Variants in PTGDS observed in about 807,000 individuals in gnomAD.
PTGDS encodes prostaglandin D2 synthase.
In PTGDS, 21 loss-of-function variants were observed where a neutral mutation model predicts 28.4. The ratio of observed to expected loss-of-function variants is 0.74; its 90% CI spans 0.52 to 1.07. The LOEUF is 1.07. Among genes scored for constraint, PTGDS ranks in the 50% least tolerant of loss-of-function variants. PTGDS has a pLI of 0.00. For synonymous variants in PTGDS, 102 were observed against 106.0 expected, an observed-to-expected ratio of 0.96 and a Z score of 0.23; for missense variants, 243 against 247.7, an observed-to-expected ratio of 0.98 and a Z score of 0.13.
At chr9:136,979,813 GC>G in intron 3 of PTGDS, 132 bp from the exon 4 acceptor site, 1 of 853,358 alleles carries the variant, frequency 1.2e-6, no homozygotes. Context: ...CTGGAGAGCA[GC>G]CGGGTGGGGG....
intron 3 of PTGDS, 140 bp downstream of exon 3, chr9:136,979,439 G>GGACA: frequency 6.4e-7 from 1 of 1,552,660 alleles, no homozygotes; most frequent in East Asian, 2.4e-5. Context: ...GCAAAGGCCA[G>GGACA]GCCTGGGCGT....
chr9:136,980,091 G>A (rs367824810), intron 4 of PTGDS, 29 bp downstream of exon 4: 18 of 1,606,062 alleles, frequency 1.1e-5, no homozygotes, highest in Non-Finnish European at 1.5e-5. Flanking sequence ...CCGCCCACAC[G>A]CAGGCCTGAC....
intron 6 of PTGDS, 132 bp downstream of exon 6, chr9:136,980,987 T>C (rs1830441842): frequency 1.5e-6 from 2 of 1,325,278 alleles, no homozygotes; most frequent in Admixed American, 4.8e-5. Flanking sequence ...TCCTTCCCGA[T>C]GGCTGCAGTC....
In PTGDS at chr9:136,977,603, A is replaced by G. The variant is rs772692994; in HGVS notation, c.25A>G (p.Met9Val). ...AATGGCTACTCATCACACACTGTGG[A>G]TGGGACTGGCCCTGCTGGGGGTGCT... Reference protein sequence around the residue: MATHHTLWMGLALLGVLGD... With the variant: MATHHTLWVGLALLGVLGD... The change falls in exon 1 of 7, where the codon ATG becomes GTG. Residue 9 changes from methionine to valine, a missense_variant. Physicochemically the swap from Met to Val is conservative, Grantham distance 21. Transcript: ENST00000371625. The G allele has an allele frequency of 1.2e-5, 19 of 1,607,514 alleles. No homozygotes were observed. In the South Asian group the frequency reaches 2.1e-4, roughly 18 times the overall value.
At chr9:136,979,856 C>T in intron 3 of PTGDS, 90 bp from the exon 4 acceptor site, 2 of 1,257,900 alleles carry the variant, frequency 1.6e-6, no homozygotes, top group South Asian at 1.2e-5. Flanking sequence ...GGCTGAGTGC[C>T]CCCAAAGCCC....
At chr9:136,980,622 T>G in intron 5 of PTGDS, 1 of 1,520,206 alleles carries the variant, frequency 6.6e-7, no homozygotes, top group Middle Eastern at 1.8e-4. Flanking sequence ...CACAGCCTCC[T>G]AGGGGTGGAC....
intron 1 of PTGDS, 108 bp downstream of exon 1, chr9:136,977,800 G>A: frequency 9.7e-7 from 1 of 1,032,692 alleles, no homozygotes; most frequent in Non-Finnish European, 1.4e-6. Flanking sequence ...GTCCCGCAGT[G>A]CCGGGCAGTG....
intron 2 of PTGDS, 37 bp downstream of exon 2, chr9:136,979,169 G>T (rs1163965061): frequency 6.2e-7 from 1 of 1,613,046 alleles, no homozygotes; most frequent in Non-Finnish European, 8.5e-7. Context: ...GGGACGGAGA[G>T]GTCCAGGGAC....
rs1019255601 is a variant in PTGDS, at chr9:136,980,061, C to T, written c.447C>T (p.Tyr149=). The T allele has an allele frequency of 3.1e-6, 5 of 1,611,134 alleles. No individual in the cohort carries two copies. The highest frequency in any genetic ancestry group is 4.2e-6 in the Non-Finnish European group (5 of 1,178,956). The change falls in exon 4 of 7, where the codon TAC becomes TAT. Residue 149 remains tyrosine, a splice_region_variant and synonymous_variant. Transcript: ENST00000371625. ...AGGACTTCCGCATGGCCACCCTCTA[C>T]AGTACGTGCCCCGTGGACGCCGCCC... ...PGEDFRMATL[Y]SRTQTPRAEL...
At chr9:136,978,351 C>T (rs1015561042) in intron 1 of PTGDS, among the ~76,000 whole-genome samples, 2 of 150,912 alleles carry the variant, frequency 1.3e-5, no homozygotes, top group African/African-American at 4.9e-5. Context: ...GGCTGGTGGG[C>T]GGCGTGCGAG....
chr9:136,978,475 GA>G (rs1470002353), intron 1 of PTGDS, among the ~76,000 whole-genome samples: 28 of 127,994 alleles, frequency 2.2e-4, no homozygotes, highest in African/African-American at 7.7e-4. Flanking sequence ...GGGGGAGGGG[GA>G]AGTGGGGCGT....
intron 5 of PTGDS, chr9:136,980,548 TG>T: frequency 9.1e-7 from 1 of 1,104,122 alleles, no homozygotes; most frequent in Non-Finnish European, 1.3e-6. Context: ...TTCAGCCTGG[TG>T]GGGGGCATAG....
At position 136,977,679 on chromosome 9, in the gene PTGDS, T is replaced by G; in HGVS notation, c.101T>G (p.Phe34Cys). The G allele has an allele frequency of 1.2e-6, 2 of 1,600,218 alleles. No individual in the cohort carries two copies. The highest frequency in any genetic ancestry group is 1.7e-6 in the Non-Finnish European group (2 of 1,174,964). ...PEAQVSVQPN[F>C]QQDKFLGRWF... Reference sequence around the variant, plus strand: ...GCCCAGGTCTCCGTGCAGCCCAACTTCCAGCAGGACAAGGTGAGGGGCTTT... The same window carrying G: ...GCCCAGGTCTCCGTGCAGCCCAACTGCCAGCAGGACAAGGTGAGGGGCTTT... Residue 34 changes from phenylalanine to cysteine, a missense_variant, in exon 1 of 7, where the codon TTC becomes TGC. Phe to Cys is a radical substitution (Grantham distance 205). Coordinates refer to ENST00000371625, the MANE Select transcript of PTGDS (RefSeq NM_000954.6).
chr9:136,980,846 G>A lies in PTGDS; in HGVS notation c.564G>A (p.Thr188=), dbSNP rs8192610. The change falls in exon 6 of 7, where the codon ACG becomes ACA. Residue 188 remains threonine, a synonymous_variant. Transcript: ENST00000371625. ...CTTTCTTGGCAGATAAGTGCATGAC[G>A]GAACAATAGGTGAGCCACTCCATTC... The part of the protein sequence containing the change: ...VFLPQTDKCM[T]EQ The A allele has an allele frequency of 9.1e-4, 1,462 of 1,609,356 alleles. 24 individuals carry two copies. The Admixed American group carries it at 0.02, about 22-fold the overall frequency.
Position 136,979,990 on chromosome 9 carries a change from G to T in PTGDS, c.376G>T (p.Asp126Tyr). 4.3e-6 allele frequency: 7 copies of T among 1,613,172 alleles called. No homozygotes were observed. The highest frequency in any genetic ancestry group is 5.9e-6 in the Non-Finnish European group (7 of 1,179,926). Reference protein sequence around the residue: ...YSVSVVETDYDQYALLYSQGS... With the variant: ...YSVSVVETDYYQYALLYSQGS... ...CGTGTCAGTGGTGGAGACCGACTAC[G>T]ACCAGTACGCGCTGCTGTACAGCCA... The change falls in exon 4 of 7, where the codon GAC becomes TAC. Residue 126 changes from aspartate to tyrosine, a missense_variant. Asp to Tyr is a radical substitution (Grantham distance 160). Coordinates refer to ENST00000371625, the MANE Select transcript of PTGDS (RefSeq NM_000954.6).
chr9:136,980,425 T>G, intron 5 of PTGDS, 141 bp downstream of exon 5: 1 of 1,013,684 alleles, frequency 9.9e-7, no homozygotes, highest in East Asian at 2.6e-5. Flanking sequence ...GGGTGAGTGT[T>G]CAAGTCAGAA....
intron 4 of PTGDS, 33 bp downstream of exon 4, chr9:136,980,095 G>T (rs964151756): frequency 3.1e-6 from 5 of 1,606,978 alleles, no homozygotes; most frequent in African/African-American, 1.3e-5. Context: ...CCACACGCAG[G>T]CCTGACCAGA....
intron 5 of PTGDS, 168 bp from the exon 6 acceptor site, chr9:136,980,665 T>G: frequency 6.4e-7 from 1 of 1,571,986 alleles, no homozygotes; most frequent in Middle Eastern, 1.7e-4. Flanking sequence ...AGAAAGACCC[T>G]CTCTTTGTTT....
chr9:136,977,685 A>C lies in PTGDS; in HGVS notation c.107A>C (p.Gln36Pro). ...AQVSVQPNFQ[Q>P]DKFLGRWFSA... ...GTCTCCGTGCAGCCCAACTTCCAGC[A>C]GGACAAGGTGAGGGGCTTTCCTGCG... is the stretch of plus-strand genomic sequence containing the variant. The change falls in exon 1 of 7, where the codon CAG (glutamine) becomes CCG (proline). Residue 36 changes from glutamine to proline, a missense_variant. Physicochemically the swap from Gln to Pro is moderately conservative, Grantham distance 76. Coordinates refer to ENST00000371625, the MANE Select transcript of PTGDS (RefSeq NM_000954.6). The C allele has an allele frequency of 1.3e-6, 2 of 1,597,368 alleles. No individual in the cohort carries two copies. The highest frequency in any genetic ancestry group is 8.5e-7 in the Non-Finnish European group (1 of 1,173,756).
Sources: gnomAD v4.1 joint callset for allele counts (sites outside exome capture counted in the v4.1 genomes callset) on GRCh38, gnomAD v4.1.1 for gene constraint, MANE v1.5 for transcripts, NCBI Gene and HGNC (gene_info 2026-07-23, HGNC 2026-07-21) for gene names.